The following DLG2 variants were observed in gnomAD, a reference collection of about 807,000 sequenced individuals.
DLG2 encodes disks large homolog 2.
In DLG2, 45 loss-of-function variants were observed where a neutral mutation model predicts 132.5. The ratio of observed to expected loss-of-function variants is 0.34; its 90% CI spans 0.27 to 0.44. DLG2 has a LOEUF of 0.44. Among genes scored for constraint, DLG2 ranks in the 20% least tolerant of loss-of-function variants. The pLI, the probability that DLG2 is intolerant of heterozygous loss-of-function variation, is 1.00. For synonymous variants in DLG2, 424 were observed against 419.6 expected (o/e 1.01, Z -0.13); for missense variants, 1,045 against 1,196.9 (o/e 0.87, Z 1.87).
At chr11:83,869,313 A>T (rs1565419965) in intron 16 of DLG2, among the ~76,000 whole-genome samples, 1 of 152,148 alleles carries the variant, frequency 6.6e-6, no homozygotes, top group Non-Finnish European at 1.5e-5. Context: ...TTAAAAAAAA[A>T]GCTTTTCCCA....
At position 84,298,417 on chromosome 11, in the gene DLG2, C is replaced by T. The variant is rs181329529; in HGVS notation, c.520-47126G>A. ...GGACAGAATGTGAAGTTCAGAGACCCAATCACAGTGTTACCTAAAGAAGCC... is the reference window on the plus strand; with the variant it reads ...GGACAGAATGTGAAGTTCAGAGACCTAATCACAGTGTTACCTAAAGAAGCC... On this transcript the variant is annotated intron_variant, in intron 7 of 27. Coordinates refer to ENST00000376104, the MANE Select transcript of DLG2 (RefSeq NM_001142699.3). Among the ~76,000 whole-genome samples, 244 of 152,268 alleles carry T rather than the reference C, an allele frequency of 1.6e-3. 4 individuals are homozygous for T. The highest frequency in any genetic ancestry group is 0.013 in the South Asian group (63 of 4,828).
In DLG2 at chr11:84,746,578, A is replaced by T. The variant is rs369993855; in HGVS notation, c.358-211847T>A. Among the ~76,000 whole-genome samples, 5 of 152,326 alleles carry T rather than the reference A, an allele frequency of 3.3e-5. No homozygotes were observed. In the South Asian group the frequency reaches 1.0e-3, roughly 32 times the overall value. ...CTATATCTATAAGATGAGGCTAATG[A>T]AAAGAATGAGAGAAGGCAGAGTCCA... is the stretch of plus-strand genomic sequence containing the variant. On this transcript the variant is annotated intron_variant, in intron 6 of 27. Transcript: ENST00000376104.
At chr11:83,816,218 A>G (rs1301779869) in intron 17 of DLG2, among the ~76,000 whole-genome samples, 1 of 152,150 alleles carries the variant, frequency 6.6e-6, no homozygotes, top group African/African-American at 2.4e-5. Context: ...CCAGGACTAC[A>G]TTTCCGTAAA....
chr11:85,271,287 A>C (rs555823742), intron 4 of DLG2, among the ~76,000 whole-genome samples: 33 of 152,334 alleles, frequency 2.2e-4, no homozygotes, highest in Middle Eastern at 3.4e-3. Flanking sequence ...TCAAGAATTG[A>C]GGTTTGGAAA....
chr11:83,975,886 T>G (rs1483821393), intron 12 of DLG2, among the ~76,000 whole-genome samples: 1 of 151,940 alleles, frequency 6.6e-6, no homozygotes, highest in African/African-American at 2.4e-5. Context: ...GAAAACATTT[T>G]AATGATACTT....
chr11:84,696,999 A>G (rs2058687318), intron 6 of DLG2, among the ~76,000 whole-genome samples: 2 of 151,420 alleles, frequency 1.3e-5, no homozygotes, highest in Admixed American at 1.3e-4. Flanking sequence ...AGAACTAGGT[A>G]CCTCAGTAGA....
Position 84,513,704 on chromosome 11 carries a change from T to A in DLG2, c.519+20866A>T, listed in dbSNP as rs563660902. Among the ~76,000 whole-genome samples, 5 of 151,584 alleles carry A rather than the reference T, an allele frequency of 3.3e-5. No homozygotes were observed. The East Asian group carries it at 7.8e-4, about 24-fold the overall frequency. Reference sequence around the variant, plus strand: ...AATGAAAATGAACTAAAGACTTAAATCTAAGACCTGATACTATGAAAGCAT... The same window carrying A: ...AATGAAAATGAACTAAAGACTTAAAACTAAGACCTGATACTATGAAAGCAT... On this transcript the variant is annotated intron_variant, in intron 7 of 27. Coordinates refer to ENST00000376104, the MANE Select transcript of DLG2 (RefSeq NM_001142699.3).
chr11:84,186,641 A>G (rs1389764465), intron 8 of DLG2, among the ~76,000 whole-genome samples: 2 of 151,990 alleles, frequency 1.3e-5, no homozygotes, highest in African/African-American at 4.8e-5. Flanking sequence ...CGAATATTAG[A>G]TAAGTTAGTA....
At chr11:84,529,856 C>A (rs568006275) in intron 7 of DLG2, among the ~76,000 whole-genome samples, 1 of 152,258 alleles carries the variant, frequency 6.6e-6, no homozygotes, top group Non-Finnish European at 1.5e-5. Flanking sequence ...GCAAAAATAT[C>A]AAAGCTGTGA....
chr11:84,287,787 T>C (rs1376889723), intron 7 of DLG2, among the ~76,000 whole-genome samples: 1 of 132,968 alleles, frequency 7.5e-6, no homozygotes. Context: ...CACAAATACT[T>C]TATTCGTCTA....
chr11:84,997,784 G>A (rs1472415863), intron 6 of DLG2: 1 of 152,194 alleles, frequency 6.6e-6, no homozygotes. Context: ...ACATTGTAGA[G>A]AGCACCTTCT....
At chr11:85,210,137 C>T (rs2082165055) in intron 4 of DLG2, among the ~76,000 whole-genome samples, 2 of 152,134 alleles carry the variant, frequency 1.3e-5, no homozygotes, top group African/African-American at 4.8e-5. Flanking sequence ...CATCTGTCTT[C>T]CCCATTAGAA....
At chr11:85,049,675 TG>T (rs2062704202) in intron 6 of DLG2, among the ~76,000 whole-genome samples, 1 of 152,062 alleles carries the variant, frequency 6.6e-6, no homozygotes, top group Non-Finnish European at 1.5e-5. Context: ...TGGCACAGAA[TG>T]TTAGGAAATA....
At chr11:83,494,096 A>G (rs1204593940) in intron 21 of DLG2, among the ~76,000 whole-genome samples, 1 of 151,990 alleles carries the variant, frequency 6.6e-6, no homozygotes, top group African/African-American at 2.4e-5. Flanking sequence ...GAGTCTGCCT[A>G]CTGTGGCTCC....
At position 83,850,160 on chromosome 11, in the gene DLG2, G is replaced by GTGTGTGTGTGTTTT. The variant is rs1452960432; in HGVS notation, c.1566-16391_1566-16390insAAAACACACACACA. The stretch of plus-strand genomic sequence containing the variant: ...TGTGTGTGTGTGTGTGTGTGTGTGT[G>GTGTGTGTGTGTTTT]TTTTTTTACTTGAGACGGAGTCTCA... On this transcript the variant is annotated intron_variant, in intron 16 of 27. Coordinates refer to ENST00000376104, the MANE Select transcript of DLG2 (RefSeq NM_001142699.3). Among the ~76,000 whole-genome samples, 122 of 124,368 alleles carry GTGTGTGTGTGTTTT rather than the reference G, an allele frequency of 9.8e-4. 2 individuals carry two copies. The highest frequency in any genetic ancestry group is 4.2e-3 in the African/African-American group (116 of 27,714). The allele number at this position is 124,368 out of a possible 152,430, so 81.6% of individuals were successfully genotyped here. A position where few individuals can be genotyped will look rare whatever the true frequency, so the allele number is the denominator to read the frequency against.
At chr11:84,985,327 C>G (rs1399241723) in intron 6 of DLG2, among the ~76,000 whole-genome samples, 1 of 152,038 alleles carries the variant, frequency 6.6e-6, no homozygotes, top group Non-Finnish European at 1.5e-5. Context: ...CAAAGGAACC[C>G]TCAAAACCAT....
At chr11:83,745,578 T>C (rs767439745) in intron 18 of DLG2, among the ~76,000 whole-genome samples, 1 of 152,060 alleles carries the variant, frequency 6.6e-6, no homozygotes, top group Non-Finnish European at 1.5e-5. Context: ...CTGAGGCAGA[T>C]GGATCACAAG....
chr11:83,603,396 GTATAAA>G, intron 19 of DLG2, among the ~76,000 whole-genome samples: 1 of 151,910 alleles, frequency 6.6e-6, no homozygotes, highest in Non-Finnish European at 1.5e-5. Context: ...TATATTCATT[GTATAAA>G]TATAACTCAT....
intron 8 of DLG2, among the ~76,000 whole-genome samples, chr11:84,234,564 C>T (rs1168346064): frequency 6.6e-6 from 1 of 152,142 alleles, no homozygotes; most frequent in Non-Finnish European, 1.5e-5. Context: ...AGCCCCCCAA[C>T]CAACCAAATG....
Sources: allele counts gnomAD v4.1 joint callset (sites outside exome capture counted in the v4.1 genomes callset), GRCh38; gene constraint gnomAD v4.1.1; transcripts MANE v1.5; gene names NCBI Gene and HGNC (gene_info 2026-07-23, HGNC 2026-07-21).